Variants in DNAH11 observed in about 807,000 individuals in gnomAD.
DNAH11 encodes axonemal beta dynein heavy chain 11.
DNAH11 carries 442 observed loss-of-function variants against 526.0 expected under a neutral mutation model. The observed-to-expected ratio is 0.84, with a 90% confidence interval of 0.78 to 0.91. DNAH11 has a LOEUF of 0.91. Ranked by LOEUF, DNAH11 falls within the 40% of genes least tolerant of loss-of-function variation. The probability of loss-of-function intolerance (pLI) is 0.00; values close to 1 mark genes in which losing one functional copy is unlikely to be tolerated. For missense variants in DNAH11, 6,989 were observed against 5,448.7 expected (o/e 1.28, Z -8.90); for synonymous variants, 2,461 against 1,935.9 (o/e 1.27, Z -7.12).
chr7:21,769,383 C>T (rs937236118), intron 55 of DNAH11, among the ~76,000 whole-genome samples: 1 of 151,218 alleles, frequency 6.6e-6, no homozygotes, highest in African/African-American at 2.5e-5. Flanking sequence ...TGGCTTTTCT[C>T]TAGGTGCTGA....
At chr7:21,672,657 A>G (rs1266891296) in intron 30 of DNAH11, among the ~76,000 whole-genome samples, 2 of 152,192 alleles carry the variant, frequency 1.3e-5, no homozygotes, top group Non-Finnish European at 2.9e-5. Context: ...GTGTCCCCAT[A>G]TTGGGAGATA....
intron 36 of DNAH11, among the ~76,000 whole-genome samples, 196 bp downstream of exon 36, chr7:21,698,409 C>A (rs1028312352): frequency 6.6e-6 from 1 of 152,102 alleles, no homozygotes; most frequent in African/African-American, 2.4e-5. Context: ...TTTTTGAGAT[C>A]TTGGTGCACC....
intron 25 of DNAH11, among the ~76,000 whole-genome samples, chr7:21,627,972 C>A (rs1429427087): frequency 6.6e-6 from 1 of 151,820 alleles, no homozygotes; most frequent in East Asian, 1.9e-4. Flanking sequence ...TAATGTTTCT[C>A]ATATAGAAAC....
At chr7:21,828,070 T>C (rs1790386053) in intron 65 of DNAH11, among the ~76,000 whole-genome samples, 1 of 152,098 alleles carries the variant, frequency 6.6e-6, no homozygotes, top group Non-Finnish European at 1.5e-5. Context: ...TGCCTCAGCC[T>C]CCCAAGTAGC....
chr7:21,874,943 T>C (rs1474746506), intron 74 of DNAH11, among the ~76,000 whole-genome samples: 1 of 152,168 alleles, frequency 6.6e-6, no homozygotes, highest in South Asian at 2.1e-4. Context: ...CTTAGAAATA[T>C]CATTCTCTAC....
intron 36 of DNAH11, among the ~76,000 whole-genome samples, chr7:21,700,456 G>A (rs530435145): frequency 6.6e-6 from 1 of 152,272 alleles, no homozygotes; most frequent in African/African-American, 2.4e-5. Context: ...TAAATGTTTA[G>A]CAGAGGCACC....
rs773661002 is a variant in DNAH11 at position 21,899,466 on chromosome 7, G to A, written c.13162+18G>A. The A allele has an allele frequency of 1.1e-4, 182 of 1,587,952 alleles. No individual in the cohort carries two copies. Among genetic ancestry groups the A allele is most frequent in the Non-Finnish European group, 1.5e-4 (174 of 1,158,422 alleles). ...CTTAACTGGTAAGGGCTGACGCAGT[G>A]CAGCCCCTGATGCACACAGGACCAC... On this transcript the variant is annotated intron_variant, in intron 80 of 81. Coordinates refer to ENST00000409508, the MANE Select transcript of DNAH11 (RefSeq NM_001277115.2).
At chr7:21,891,087 A>T (rs1784310068) in intron 76 of DNAH11, among the ~76,000 whole-genome samples, 1 of 152,190 alleles carries the variant, frequency 6.6e-6, no homozygotes, top group Non-Finnish European at 1.5e-5. Flanking sequence ...GTGGAAATTC[A>T]CACTTACTTT....
intron 66 of DNAH11, among the ~76,000 whole-genome samples, chr7:21,845,494 C>G (rs555684016): frequency 6.6e-6 from 1 of 151,980 alleles, no homozygotes; most frequent in Non-Finnish European, 1.5e-5. Flanking sequence ...TGCCTTTGAT[C>G]CTTGTTAAAG....
intron 45 of DNAH11, among the ~76,000 whole-genome samples, chr7:21,727,038 A>G (rs567950590): frequency 1.6e-5 from 2 of 125,546 alleles, no homozygotes; most frequent in African/African-American, 6.1e-5. Flanking sequence ...GGTTCAAGTG[A>G]CTCTCCTGCC....
rs763325413 is a variant in DNAH11 at position 21,619,234 on chromosome 7, G to A, written c.4377+12G>A. 4.7e-5 allele frequency: 75 copies of A among 1,608,404 alleles called. No individual in the cohort carries two copies. The highest frequency in any genetic ancestry group is 5.3e-5 in the Non-Finnish European group (62 of 1,177,732). On this transcript the variant is annotated intron_variant, in intron 24 of 81. Transcript: ENST00000409508. ...TGGGGACTGAGAAGGTAGTGTCCTCGGGACTGGGTCATTTCTACTTGGCTA... is the reference window on the plus strand; with the variant it reads ...TGGGGACTGAGAAGGTAGTGTCCTCAGGACTGGGTCATTTCTACTTGGCTA...
chr7:21,669,699 C>G (rs930780495), intron 30 of DNAH11, among the ~76,000 whole-genome samples: 1 of 150,552 alleles, frequency 6.6e-6, no homozygotes, highest in Non-Finnish European at 1.5e-5. Context: ...GATGTTATTG[C>G]CTGTCCAAAA....
At chr7:21,789,523 T>G (rs1289057126) in intron 61 of DNAH11, among the ~76,000 whole-genome samples, 181 bp downstream of exon 61, 1 of 152,118 alleles carries the variant, frequency 6.6e-6, no homozygotes, top group East Asian at 1.9e-4. Context: ...CTGTGGTAGA[T>G]GCTGAACTGG....
At chr7:21,870,471 T>C (rs1783454968) in intron 73 of DNAH11, among the ~76,000 whole-genome samples, 1 of 152,054 alleles carries the variant, frequency 6.6e-6, no homozygotes, top group African/African-American at 2.4e-5. Flanking sequence ...CTTCTGAGGC[T>C]CAGAAACACA....
intron 61 of DNAH11, among the ~76,000 whole-genome samples, chr7:21,797,460 C>T (rs1196257896): frequency 6.6e-6 from 1 of 151,316 alleles, no homozygotes; most frequent in Non-Finnish European, 1.5e-5. Context: ...CTCAGGTGAT[C>T]CGCTCGCCTC....
rs776556178 is a variant in DNAH11 at position 21,801,227 on chromosome 7, A to C, written c.10117A>C (p.Asn3373His). ...VRCQEEVNQT[N>H]KTIKLANRLV... ...GTGTCAAGAAGAGGTGAACCAAACC[A>C]ACAAAACCATCAAATTAGCTAACAG... Residue 3373 changes from asparagine (N) to histidine (H), a missense_variant, in exon 62 of 82, where the codon AAC becomes CAC. By Grantham distance (68) the Asn-to-His change is moderately conservative. Coordinates refer to ENST00000409508, the MANE Select transcript of DNAH11 (RefSeq NM_001277115.2). 1 of 1,613,932 alleles carries C rather than the reference A, an allele frequency of 6.2e-7. No homozygotes were observed. Among genetic ancestry groups the C allele is most frequent in the Non-Finnish European group, 8.5e-7 (1 of 1,179,854 alleles).
At chr7:21,759,891 A>G (rs1392608562) in intron 54 of DNAH11, among the ~76,000 whole-genome samples, 7 of 152,240 alleles carry the variant, frequency 4.6e-5, no homozygotes, top group Non-Finnish European at 1.5e-5. Context: ...AAAGAATAGA[A>G]AATTCTATGG....
chr7:21,861,111 TAGAAAC>T (rs1191605429), intron 68 of DNAH11, among the ~76,000 whole-genome samples: 5 of 152,084 alleles, frequency 3.3e-5, no homozygotes, highest in Admixed American at 6.6e-5. Context: ...GCCAAACTCA[TAGAAAC>T]AGAAAGTAGA....
chr7:21,888,162 T>C (rs1397717027), intron 76 of DNAH11, among the ~76,000 whole-genome samples: 4 of 152,188 alleles, frequency 2.6e-5, no homozygotes, highest in Non-Finnish European at 4.4e-5. Context: ...AAATCACCAA[T>C]GTACCTTTTC....
Sources: gnomAD v4.1 joint callset for allele counts (sites outside exome capture counted in the v4.1 genomes callset) on GRCh38, gnomAD v4.1.1 for gene constraint, MANE v1.5 for transcripts, NCBI Gene and HGNC (gene_info 2026-07-23, HGNC 2026-07-21) for gene names.